STK32B: variants seen among roughly 807,000 people sequenced by gnomAD.
STK32B encodes serine/threonine kinase 32B.
Under a neutral mutation model 52.6 loss-of-function variants are expected in STK32B, and 43 were observed. The ratio of observed to expected loss-of-function variants is 0.82; its 90% CI spans 0.64 to 1.05. The LOEUF is 1.05. Among genes scored for constraint, STK32B ranks in the 50% least tolerant of loss-of-function variants. The probability of loss-of-function intolerance (pLI) is 0.00; values close to 1 mark genes in which losing one functional copy is unlikely to be tolerated. For missense variants in STK32B, 621 were observed against 534.6 expected, an observed-to-expected ratio of 1.16 and a Z score of -1.59; for synonymous variants, 238 against 204.3, an observed-to-expected ratio of 1.17 and a Z score of -1.41.
Position 5,051,776 on chromosome 4 carries a change from C to T in STK32B, c.-88C>T, listed in dbSNP as rs1385037478. The T allele has an allele frequency of 1.3e-6, 2 of 1,533,120 alleles. No homozygotes were observed. The highest frequency in any genetic ancestry group is 2.0e-5 in the Admixed American group (1 of 49,736). 95.0% of individuals were successfully genotyped at this position (1,533,120 alleles called of 1,614,324 possible). A position where few individuals can be genotyped will look rare whatever the true frequency, so the allele number is the denominator to read the frequency against. ...GCTACAACCCGGACTGGGCGCGCCC[C>T]CGGCATCCCGCATCTCTGCGCGCGT... On this transcript the variant is annotated 5_prime_UTR_variant, in exon 1 of 12. Coordinates refer to ENST00000282908, the MANE Select transcript of STK32B (RefSeq NM_018401.3).
chr4:5,122,047 CTCGCTCATTCAT>C (rs1560162218), intron 1 of STK32B, among the ~76,000 whole-genome samples: 1 of 152,128 alleles, frequency 6.6e-6, no homozygotes, highest in Non-Finnish European at 1.5e-5. Flanking sequence ...CATTCATTCA[CTCGCTCATTCAT>C]TCACTAATTC....
At chr4:5,259,957 C>T (rs115895043) in intron 3 of STK32B, among the ~76,000 whole-genome samples, 331 of 151,986 alleles carry the variant, frequency 2.2e-3, no homozygotes, top group Non-Finnish European at 4.0e-3. Flanking sequence ...CAAGAGTTTC[C>T]ACACTGAGGA....
At chr4:5,376,484 G>T (rs764121232) in intron 4 of STK32B, among the ~76,000 whole-genome samples, 8 of 151,870 alleles carry the variant, frequency 5.3e-5, no homozygotes, top group Non-Finnish European at 2.9e-5. Context: ...CAGACAGCAG[G>T]TTGGAGAGGA....
At chr4:5,276,171 C>T (rs1477040837) in intron 3 of STK32B, among the ~76,000 whole-genome samples, 1 of 152,000 alleles carries the variant, frequency 6.6e-6, no homozygotes, top group Non-Finnish European at 1.5e-5. Context: ...CACCTGTAGT[C>T]CTGGCTGCTT....
chr4:5,181,329 GACACACAC>G lies in STK32B; in HGVS notation c.260+12911_260+12918del, dbSNP rs751590603. Among the ~76,000 whole-genome samples, 15 of 138,122 alleles carry G rather than the reference GACACACAC, an allele frequency of 1.1e-4. No homozygotes were observed. In the East Asian group the frequency reaches 1.6e-3, roughly 15 times the overall value. 90.6% of individuals were successfully genotyped at this position (138,122 alleles called of 152,430 possible). The stretch of plus-strand genomic sequence containing the variant: ...AAAAGAAGAGAAAGATGGAGAGTGA[GACACACAC>G]ACACACACACACACACACACACACA... On this transcript the variant is annotated intron_variant, in intron 3 of 11. Transcript: ENST00000282908.
At chr4:5,406,742 G>A (rs1284332179) in intron 5 of STK32B, among the ~76,000 whole-genome samples, 2 of 152,132 alleles carry the variant, frequency 1.3e-5, no homozygotes, top group South Asian at 2.1e-4. Flanking sequence ...GTGTCTCGAG[G>A]TTAGGCAGGG....
intron 11 of STK32B, among the ~76,000 whole-genome samples, chr4:5,495,357 G>T (rs548987748): frequency 6.6e-6 from 1 of 152,114 alleles, no homozygotes; most frequent in Non-Finnish European, 1.5e-5. Context: ...ATTTCTTCCA[G>T]TTGATCTCAT....
intron 1 of STK32B, among the ~76,000 whole-genome samples, chr4:5,086,857 T>A (rs2108779746): frequency 6.6e-6 from 1 of 152,274 alleles, no homozygotes; most frequent in Middle Eastern, 3.4e-3. Context: ...TCTTTAAAAA[T>A]GAAGAAGAAA....
At chr4:5,173,753 TGTG>T (rs1719588245) in intron 3 of STK32B, among the ~76,000 whole-genome samples, 1 of 152,188 alleles carries the variant, frequency 6.6e-6, no homozygotes, top group Non-Finnish European at 1.5e-5. Context: ...ATAGGTGTGG[TGTG>T]GTGCTGAAAA....
Position 5,159,620 on chromosome 4 carries a change from A to AATGTATATGAAT in STK32B, c.109-8677_109-8676insGTATATGAATAT, listed in dbSNP as rs1718212265. Among the ~76,000 whole-genome samples the AATGTATATGAAT allele has an allele frequency of 1.9e-5, 2 of 104,616 alleles. 1 individual carries two copies. The highest frequency in any genetic ancestry group is 3.6e-5 in the Non-Finnish European group (2 of 56,162). 68.6% of individuals were successfully genotyped at this position (104,616 alleles called of 152,430 possible). A position where few individuals can be genotyped will look rare whatever the true frequency, so the allele number is the denominator to read the frequency against. ...ATGAATATATATATGAATATATATGAATATATATGAATATATATATGAATG... is the reference window on the plus strand; with the variant it reads ...ATGAATATATATATGAATATATATGAATGTATATGAATATATATATGAATATATATATGAATG... On this transcript the variant is annotated intron_variant, in intron 2 of 11. Transcript: ENST00000282908.
intron 4 of STK32B, among the ~76,000 whole-genome samples, chr4:5,364,240 T>C (rs1309366703): frequency 6.6e-6 from 1 of 152,120 alleles, no homozygotes; most frequent in Non-Finnish European, 1.5e-5. Flanking sequence ...GCACAAAAAT[T>C]CAGAATGATA....
intron 6 of STK32B, among the ~76,000 whole-genome samples, chr4:5,418,877 G>A (rs569290123): frequency 6.6e-6 from 1 of 152,212 alleles, no homozygotes; most frequent in East Asian, 1.9e-4. Context: ...TGCAGTGGGG[G>A]AGGAGGCTTA....
chr4:5,280,048 T>C (rs1728091371), intron 3 of STK32B, among the ~76,000 whole-genome samples: 1 of 152,230 alleles, frequency 6.6e-6, no homozygotes, highest in African/African-American at 2.4e-5. Flanking sequence ...CTAGGAACAT[T>C]TGGCTCTTCT....
At chr4:5,293,187 A>C (rs539249183) in intron 3 of STK32B, among the ~76,000 whole-genome samples, 1 of 152,192 alleles carries the variant, frequency 6.6e-6, no homozygotes, top group East Asian at 1.9e-4. Context: ...TATCCAGTCT[A>C]TCATTGTTGG....
chr4:5,484,221 C>G (rs544802595), intron 11 of STK32B, among the ~76,000 whole-genome samples: 5 of 152,274 alleles, frequency 3.3e-5, no homozygotes, highest in South Asian at 4.1e-4. Context: ...GTGTTGGTGT[C>G]TCAGTCTCTT....
intron 4 of STK32B, among the ~76,000 whole-genome samples, chr4:5,392,177 G>A (rs1339077199): frequency 6.6e-6 from 1 of 152,222 alleles, no homozygotes; most frequent in Non-Finnish European, 1.5e-5. Flanking sequence ...GCTCACGCCT[G>A]TAATCCCAAC....
chr4:5,143,559 A>G (rs1577101803), intron 2 of STK32B, among the ~76,000 whole-genome samples: 3 of 152,282 alleles, frequency 2.0e-5, no homozygotes, highest in Admixed American at 2.0e-4. Flanking sequence ...TTTCCCTTGT[A>G]TGGTGAGAGG....
At chr4:5,382,896 TCATA>T (rs1736020040) in intron 4 of STK32B, among the ~76,000 whole-genome samples, 3 of 152,164 alleles carry the variant, frequency 2.0e-5, no homozygotes, top group Non-Finnish European at 4.4e-5. Flanking sequence ...GGCTATTGCT[TCATA>T]CAGAGTTAAG....
intron 4 of STK32B, among the ~76,000 whole-genome samples, chr4:5,332,499 T>C (rs1190359385): frequency 1.3e-5 from 2 of 152,096 alleles, no homozygotes; most frequent in African/African-American, 4.8e-5. Flanking sequence ...TTTTGTTTTA[T>C]TTTATTATTA....
Sources: allele counts gnomAD v4.1 joint callset (sites outside exome capture counted in the v4.1 genomes callset), GRCh38; gene constraint gnomAD v4.1.1; transcripts MANE v1.5; gene names NCBI Gene and HGNC (gene_info 2026-07-23, HGNC 2026-07-21).